DNAH11: variants seen among roughly 807,000 people sequenced by gnomAD.
DNAH11 encodes axonemal beta dynein heavy chain 11.
In DNAH11, 442 loss-of-function variants were observed where a neutral mutation model predicts 526.0. The observed-to-expected ratio is 0.84, with a 90% CI of 0.78 to 0.91. DNAH11 has a LOEUF of 0.91. Ranked by LOEUF, DNAH11 falls within the 40% of genes least tolerant of loss-of-function variation. The probability of loss-of-function intolerance (pLI) is 0.00; values close to 1 mark genes in which losing one functional copy is unlikely to be tolerated. For missense variants in DNAH11, 6,989 were observed against 5,448.7 expected, an observed-to-expected ratio of 1.28 and a Z score of -8.90; for synonymous variants, 2,461 against 1,935.9, an observed-to-expected ratio of 1.27 and a Z score of -7.12.
chr7:21,637,970 A>ATGATTGAT (rs1226041214), intron 27 of DNAH11, among the ~76,000 whole-genome samples: 3 of 152,088 alleles, frequency 2.0e-5, no homozygotes, highest in Non-Finnish European at 2.9e-5. Context: ...GAGAATTGAC[A>ATGATTGAT]TGATTGATTG....
Position 21,571,819 on chromosome 7 carries a change from C to A in DNAH11, c.1439C>A (p.Thr480Asn). 6.2e-7 allele frequency: 1 copy of A among 1,611,390 alleles called. No homozygotes were observed. The highest frequency in any genetic ancestry group is 8.5e-7 in the Non-Finnish European group (1 of 1,178,912). ...TTTTTTACAAAGGATATATTTGCCACCACTTTGGAATTTGAAAAGCTGGAA... is the reference window on the plus strand; with the variant it reads ...TTTTTTACAAAGGATATATTTGCCAACACTTTGGAATTTGAAAAGCTGGAA... ...RLIKIEDIFA[T>N]TLEFEKLERL... is the part of the protein sequence containing the mutation. The change falls in exon 8 of 82, where the codon ACC becomes AAC. Residue 480 changes from threonine to asparagine, a missense_variant. Transcript: ENST00000409508.
At chr7:21,777,832 TAGAG>T (rs1263080184) in intron 56 of DNAH11, among the ~76,000 whole-genome samples, 1 of 152,172 alleles carries the variant, frequency 6.6e-6, no homozygotes, top group East Asian at 1.9e-4. Context: ...GCTTTTTAGA[TAGAG>T]TGTGAATATA....
At chr7:21,893,303 T>C (rs1286879610) in intron 77 of DNAH11, among the ~76,000 whole-genome samples, 1 of 152,236 alleles carries the variant, frequency 6.6e-6, no homozygotes, top group Non-Finnish European at 1.5e-5. Flanking sequence ...CCACCAGCAG[T>C]GCGTGTGAGT....
intron 8 of DNAH11, among the ~76,000 whole-genome samples, chr7:21,576,299 C>A (rs753888563): frequency 6.6e-6 from 1 of 152,180 alleles, no homozygotes; most frequent in African/African-American, 2.4e-5. Flanking sequence ...AAGGCCTCAG[C>A]AAGCACGGCG....
Position 21,635,876 on chromosome 7 carries a change from G to A in DNAH11, c.4506G>A (p.Gln1502=). The change falls in exon 26 of 82, where the codon CAG becomes CAA. Residue 1502 remains glutamine (Q), a synonymous_variant. Transcript: ENST00000409508. ...ATTCTTTGCCTTTATTTTAGGTTCA[G>A]TTGCAGACTCTTCTTCAAAGCAAGT... ...LFETLEHNQV[Q]LQTLLQSKYV... is the part of the protein sequence containing the mutation. 1.2e-6 allele frequency: 2 copies of A among 1,608,288 alleles called. No individual in the cohort carries two copies. The highest frequency in any genetic ancestry group is 1.1e-5 in the South Asian group (1 of 89,944).
intron 1 of DNAH11, among the ~76,000 whole-genome samples, chr7:21,544,458 A>G (rs898047836): frequency 1.7e-4 from 26 of 152,340 alleles, no homozygotes; most frequent in African/African-American, 5.8e-4. Context: ...TAAGTTTGTC[A>G]GTAGACAAGG....
intron 65 of DNAH11, among the ~76,000 whole-genome samples, chr7:21,823,819 G>A (rs1790157062): frequency 6.6e-6 from 1 of 152,144 alleles, no homozygotes; most frequent in African/African-American, 2.4e-5. Context: ...ATGTGTTACT[G>A]AGTTGACAAA....
intron 67 of DNAH11, among the ~76,000 whole-genome samples, chr7:21,852,928 A>G (rs1782697340): frequency 6.6e-6 from 1 of 152,198 alleles, no homozygotes; most frequent in Non-Finnish European, 1.5e-5. Context: ...CTATGGCTGA[A>G]AATCTGAAAA....
chr7:21,606,424 A>G lies in DNAH11; in HGVS notation c.3649-2A>G. 6.2e-7 allele frequency: 1 copy of G among 1,605,306 alleles called. No homozygotes were observed. Among genetic ancestry groups the G allele is most frequent in the Non-Finnish European group, 8.5e-7 (1 of 1,176,906 alleles). On this transcript the variant is annotated splice_acceptor_variant, in intron 18 of 81. Coordinates refer to ENST00000409508, the MANE Select transcript of DNAH11 (RefSeq NM_001277115.2). LOFTEE classifies it high-confidence loss of function. The stretch of plus-strand genomic sequence containing the variant: ...TTCGCATTTGTGCCTTTGCTTTTGC[A>G]GGAATTACCTGAAAGATGGGAAACT...
intron 44 of DNAH11, among the ~76,000 whole-genome samples, chr7:21,723,982 G>A (rs1403397022): frequency 6.6e-6 from 1 of 152,210 alleles, no homozygotes; most frequent in Non-Finnish European, 1.5e-5. Flanking sequence ...ACATCTTCAT[G>A]TTCCTCTCCT....
intron 30 of DNAH11, among the ~76,000 whole-genome samples, chr7:21,668,505 G>A (rs999414029): frequency 6.6e-6 from 1 of 152,004 alleles, no homozygotes; most frequent in Non-Finnish European, 1.5e-5. Flanking sequence ...ATTACTCATG[G>A]TATTGCTGTA....
intron 2 of DNAH11, among the ~76,000 whole-genome samples, chr7:21,545,355 C>T (rs1009369108): frequency 6.9e-6 from 1 of 145,204 alleles, no homozygotes; most frequent in Non-Finnish European, 1.5e-5. Context: ...CTAGACTGTT[C>T]CTGAAAGGAG....
At chr7:21,753,104 A>G (rs960318465) in intron 54 of DNAH11, among the ~76,000 whole-genome samples, 1 of 152,154 alleles carries the variant, frequency 6.6e-6, no homozygotes, top group African/African-American at 2.4e-5. Context: ...CTGGCTCAGT[A>G]TTACCCTTAG....
chr7:21,779,124 T>G lies in DNAH11; in HGVS notation c.9483+20T>G, dbSNP rs764794482. On this transcript the variant is annotated intron_variant, in intron 57 of 81. Transcript: ENST00000409508. ...CGAAAGGTCAGGCTAATTCCAACATTTAGAGTGCGGAGCTATATTTAGCAC... is the reference window on the plus strand; with the variant it reads ...CGAAAGGTCAGGCTAATTCCAACATGTAGAGTGCGGAGCTATATTTAGCAC... The G allele has an allele frequency of 1.2e-6, 2 of 1,606,418 alleles. No individual in the cohort carries two copies. The highest frequency in any genetic ancestry group is 1.7e-6 in the Non-Finnish European group (2 of 1,174,330).
chr7:21,832,970 G>A (rs1781846764), intron 65 of DNAH11, among the ~76,000 whole-genome samples: 1 of 152,148 alleles, frequency 6.6e-6, no homozygotes, highest in Non-Finnish European at 1.5e-5. Flanking sequence ...GGTGGTTTGT[G>A]CCGCTTCTCA....
intron 57 of DNAH11, among the ~76,000 whole-genome samples, chr7:21,780,995 A>G (rs933078981): frequency 6.6e-5 from 10 of 152,210 alleles, no homozygotes; most frequent in African/African-American, 1.9e-4. Context: ...GGAAGGAACT[A>G]TTGTAAATTG....
At chr7:21,709,473 C>T (rs1035909723) in intron 40 of DNAH11, among the ~76,000 whole-genome samples, 4 of 152,158 alleles carry the variant, frequency 2.6e-5, no homozygotes, top group African/African-American at 9.7e-5. Flanking sequence ...CTGTTGGTTA[C>T]TATGCTTACT....
chr7:21,618,881 G>A (rs1026446706), intron 23 of DNAH11, among the ~76,000 whole-genome samples: 1 of 152,176 alleles, frequency 6.6e-6, no homozygotes. Flanking sequence ...GTGTAGCACG[G>A]ATGTGACTAA....
At chr7:21,770,097 A>C (rs957220367) in intron 55 of DNAH11, among the ~76,000 whole-genome samples, 6 of 152,216 alleles carry the variant, frequency 3.9e-5, no homozygotes. Context: ...TAATGGCAGT[A>C]ATCTTACTGC....
Sources: gnomAD v4.1 joint callset for allele counts (sites outside exome capture counted in the v4.1 genomes callset) on GRCh38, gnomAD v4.1.1 for gene constraint, MANE v1.5 for transcripts, NCBI Gene and HGNC (gene_info 2026-07-23, HGNC 2026-07-21) for gene names.